KCNMA1: variants seen among roughly 807,000 people sequenced by gnomAD.
KCNMA1 encodes Calcium-activated potassium channel subunit alpha-1.
In KCNMA1, 29 loss-of-function variants were observed where a neutral mutation model predicts 140.0. The observed-to-expected ratio is 0.21, with a 90% CI of 0.15 to 0.28. KCNMA1 has a LOEUF of 0.28. KCNMA1 is among the 10% of genes least tolerant of loss of function. The probability of loss-of-function intolerance (pLI) is 1.00; values close to 1 mark genes in which losing one functional copy is unlikely to be tolerated. For missense variants in KCNMA1, 880 were observed against 1,602.2 expected, an observed-to-expected ratio of 0.55 and a Z score of 7.70; for synonymous variants, 612 against 611.9, an observed-to-expected ratio of 1.00 and a Z score of 0.00.
At chr10:77,000,873 T>A (rs1440080133) in intron 19 of KCNMA1, among the ~76,000 whole-genome samples, 45,838 of 81,564 alleles carry the variant, frequency 0.56, 13,076 homozygotes, top group Middle Eastern at 0.66. Flanking sequence ...TATATATATA[T>A]ATATATATAT....
chr10:77,388,906 G>A (rs11002149), intron 2 of KCNMA1, among the ~76,000 whole-genome samples: 32,414 of 152,098 alleles, frequency 0.21, 4,145 homozygotes, highest in Non-Finnish European at 0.3. Flanking sequence ...CCTGTGGGCC[G>A]CAGTGCTATG....
intron 5 of KCNMA1, among the ~76,000 whole-genome samples, chr10:77,129,547 C>A (rs1417374073): frequency 6.6e-6 from 1 of 152,090 alleles, no homozygotes; most frequent in East Asian, 1.9e-4. Flanking sequence ...TACTGGCTAA[C>A]TAGAAGTTAA....
intron 1 of KCNMA1, among the ~76,000 whole-genome samples, chr10:77,563,928 CATT>C (rs1379060437): frequency 6.6e-6 from 1 of 152,242 alleles, no homozygotes; most frequent in Non-Finnish European, 1.5e-5. Flanking sequence ...GGGCTTATCA[CATT>C]TGTCCCACCT....
intron 1 of KCNMA1, among the ~76,000 whole-genome samples, chr10:77,496,491 G>T (rs1603629712): frequency 1.3e-5 from 2 of 151,058 alleles, no homozygotes; most frequent in South Asian, 4.2e-4. Context: ...CATCTACTTG[G>T]GAGACTGAGG....
intron 1 of KCNMA1, chr10:77,634,300 A>G (rs993738828): frequency 1.0e-6 from 1 of 985,362 alleles, no homozygotes; most frequent in Admixed American, 6.1e-5. Context: ...ACTGTGACCA[A>G]GTTCCCAACA....
chr10:77,325,520 C>T (rs540245521), intron 2 of KCNMA1, among the ~76,000 whole-genome samples: 6 of 152,170 alleles, frequency 3.9e-5, no homozygotes, highest in Non-Finnish European at 8.8e-5. Flanking sequence ...TCTCCGTGTA[C>T]TTACTCACAA....
chr10:77,011,838 G>T, intron 18 of KCNMA1, 129 bp downstream of exon 18: 1 of 827,430 alleles, frequency 1.2e-6, no homozygotes, highest in Non-Finnish European at 2.1e-6. Flanking sequence ...TTAAACTGCT[G>T]GGTGAAACAT....
chr10:77,544,668 T>C (rs1424846116), intron 1 of KCNMA1, among the ~76,000 whole-genome samples: 1 of 152,228 alleles, frequency 6.6e-6, no homozygotes, highest in Non-Finnish European at 1.5e-5. Context: ...ACTATAGTTT[T>C]GCCCGTCTTC....
At chr10:77,233,241 A>G (rs2054217265) in intron 3 of KCNMA1, among the ~76,000 whole-genome samples, 1 of 152,156 alleles carries the variant, frequency 6.6e-6, no homozygotes, top group Non-Finnish European at 1.5e-5. Context: ...TATGTCCAGA[A>G]TGACTGTTTA....
At chr10:77,005,115 A>T (rs1367997253) in intron 18 of KCNMA1, among the ~76,000 whole-genome samples, 2 of 152,202 alleles carry the variant, frequency 1.3e-5, no homozygotes, top group Non-Finnish European at 2.9e-5. Flanking sequence ...TACAAAGTAG[A>T]TCTATGAGGA....
intron 1 of KCNMA1, among the ~76,000 whole-genome samples, chr10:77,615,098 C>T (rs1035688723): frequency 2.6e-5 from 4 of 152,134 alleles, no homozygotes; most frequent in African/African-American, 9.7e-5. Context: ...TTAACACAGG[C>T]GCCTGGGCTG....
At chr10:77,255,198 A>G (rs564932507) in intron 2 of KCNMA1, among the ~76,000 whole-genome samples, 56 of 152,352 alleles carry the variant, frequency 3.7e-4, no homozygotes, top group African/African-American at 1.3e-3. Context: ...GCAATTTGAT[A>G]AATGTCATTG....
At chr10:77,394,954 C>T (rs1265492467) in intron 2 of KCNMA1, among the ~76,000 whole-genome samples, 1 of 152,194 alleles carries the variant, frequency 6.6e-6, no homozygotes, top group African/African-American at 2.4e-5. Context: ...AATGAGTGAG[C>T]ATGGCTGTAT....
chr10:77,017,978 T>C (rs962546551), intron 17 of KCNMA1, among the ~76,000 whole-genome samples: 1 of 152,200 alleles, frequency 6.6e-6, no homozygotes, highest in Non-Finnish European at 1.5e-5. Flanking sequence ...TTATTAAATT[T>C]GGTAGAAAGA....
intron 2 of KCNMA1, among the ~76,000 whole-genome samples, chr10:77,297,465 G>A (rs17407165): frequency 0.25 from 37,327 of 152,100 alleles, 5,882 homozygotes; most frequent in Non-Finnish European, 0.36. Context: ...CTTCATTCAA[G>A]TAACAGCTTT....
intron 1 of KCNMA1, among the ~76,000 whole-genome samples, chr10:77,443,723 T>C (rs1289856439): frequency 6.6e-6 from 1 of 152,224 alleles, no homozygotes. Flanking sequence ...TCTAAAGTGC[T>C]TTCTAGGTTG....
At chr10:77,423,800 C>A (rs1335410139) in intron 1 of KCNMA1, among the ~76,000 whole-genome samples, 1 of 152,134 alleles carries the variant, frequency 6.6e-6, no homozygotes, top group Non-Finnish European at 1.5e-5. Flanking sequence ...CACCCCAAGG[C>A]CCTTGAAAAA....
intron 3 of KCNMA1, among the ~76,000 whole-genome samples, chr10:77,222,828 G>T (rs1460639698): frequency 1.3e-5 from 2 of 152,204 alleles, no homozygotes; most frequent in African/African-American, 4.8e-5. Context: ...GAAGCTGATT[G>T]CCATTCTCTA....
At chr10:77,033,376 G>T (rs529364236) in intron 15 of KCNMA1, among the ~76,000 whole-genome samples, 1 of 151,942 alleles carries the variant, frequency 6.6e-6, no homozygotes, top group Non-Finnish European at 1.5e-5. Context: ...GATAGGAGTG[G>T]AGTGGGAAGG....
Sources: gnomAD v4.1 joint callset for allele counts (sites outside exome capture counted in the v4.1 genomes callset) on GRCh38, gnomAD v4.1.1 for gene constraint, MANE v1.5 for transcripts, NCBI Gene and HGNC (gene_info 2026-07-23, HGNC 2026-07-21) for gene names.